The following ATXN7L3 variants were observed in gnomAD, a reference collection of about 807,000 sequenced individuals.
The protein encoded by ATXN7L3 is ataxin-7-like protein 3.
A neutral mutation model predicts 50.0 loss-of-function variants in ATXN7L3; 6 were observed. The ratio of observed to expected loss-of-function variants is 0.12; its 90% CI spans 0.07 to 0.24. The LOEUF is 0.24. Ranked by LOEUF, ATXN7L3 falls within the 10% of genes least tolerant of loss-of-function variation. ATXN7L3 has a pLI of 1.00. For missense variants in ATXN7L3, 322 were observed against 451.3 expected (o/e 0.71, Z 2.60); for synonymous variants, 198 against 165.8 (o/e 1.19, Z -1.49).
chr17:44,195,030 C>T, intron 10 of ATXN7L3, 67 bp downstream of exon 10: 1 of 1,580,878 alleles, frequency 6.3e-7, no homozygotes, highest in Non-Finnish European at 8.7e-7. Context: ...TCCAGGGGTA[C>T]TCCCAACCCA....
At chr17:44,199,304 G>A (rs1035807293) in intron 1 of ATXN7L3, 192 bp downstream of exon 1, 1 of 151,170 alleles carries the variant, frequency 6.6e-6, no homozygotes, top group Non-Finnish European at 1.5e-5. Context: ...GACCCAGACG[G>A]GGGAGAGCCA....
chr17:44,194,718 C>T (rs1313339637), intron 11 of ATXN7L3, 44 bp from the exon 12 acceptor site: 1 of 1,613,486 alleles, frequency 6.2e-7, no homozygotes, highest in Admixed American at 1.7e-5. Flanking sequence ...AGATAGTGAT[C>T]ATCGCCCTAA....
At chr17:44,194,738 A>AC (rs764591254) in intron 11 of ATXN7L3, 30 bp downstream of exon 11, 1 of 1,613,484 alleles carries the variant, frequency 6.2e-7, no homozygotes. Context: ...ACTGGTCACA[A>AC]CCCCCCACCC....
intron 3 of ATXN7L3, 25 bp downstream of exon 3, chr17:44,197,573 G>A (rs2055958662): frequency 6.2e-7 from 1 of 1,614,176 alleles, no homozygotes; most frequent in East Asian, 2.2e-5. Flanking sequence ...GGGCTGGACT[G>A]CTGCTCCTTC....
At chr17:44,196,555 A>G (rs1312418241) in intron 5 of ATXN7L3, 137 bp from the exon 6 acceptor site, 1 of 1,067,784 alleles carries the variant, frequency 9.4e-7, no homozygotes, top group Admixed American at 2.0e-5. Flanking sequence ...CCAGGCGGGC[A>G]GATCACGAGG....
In ATXN7L3 at chr17:44,194,773, G is replaced by C; in HGVS notation, c.732C>G (p.Pro244=). Residue 244 remains proline (P), a synonymous_variant, in exon 11 of 13, where the codon CCC becomes CCG. Transcript: ENST00000587097. Reference sequence around the variant, plus strand: ...CTTCCTGTAGGGCCACTTACGCCGAGGGCCCGAGAAAATAAATCCGTACGG... The same window carrying C: ...CTTCCTGTAGGGCCACTTACGCCGACGGCCCGAGAAAATAAATCCGTACGG... ...RRTVRIYFLG[P]SAVLPEVESS... 6.2e-7 allele frequency: 1 copy of C among 1,614,158 alleles called. No homozygotes were observed. The highest frequency in any genetic ancestry group is 1.3e-5 in the African/African-American group (1 of 75,050).
In ATXN7L3 at chr17:44,197,040, G is replaced by A; in HGVS notation, c.357-14C>T. ...CTATTGGCAATCCTGCCAAGGGGAG[G>A]GAAGAGAAAGGGGCCAAGGGGAAGG... On this transcript the variant is annotated splice_polypyrimidine_tract_variant and intron_variant, in intron 4 of 12. Coordinates refer to ENST00000587097, the MANE Select transcript of ATXN7L3 (RefSeq NM_001382309.1). 1 of 1,597,534 alleles carries A rather than the reference G, an allele frequency of 6.3e-7. No individual in the cohort carries two copies. Among genetic ancestry groups the A allele is most frequent in the African/African-American group, 1.3e-5 (1 of 74,658 alleles).
intron 3 of ATXN7L3, 44 bp from the exon 4 acceptor site, chr17:44,197,443 T>C: frequency 6.4e-7 from 1 of 1,571,308 alleles, no homozygotes; most frequent in Non-Finnish European, 8.6e-7. Flanking sequence ...CAGGACCCTC[T>C]CCTCTTGTTC....
chr17:44,197,950 T>A, intron 2 of ATXN7L3, 70 bp downstream of exon 2: 1 of 1,568,104 alleles, frequency 6.4e-7, no homozygotes, highest in Non-Finnish European at 8.8e-7. Flanking sequence ...CTCTTTGGTG[T>A]GGATGCCAGA....
Position 44,194,225 on chromosome 17 carries a change from G to C in ATXN7L3, c.*38C>G. ...CCACCTGGGTGGGGGTCAGGAGAGA[G>C]GGCTCTGCTCAGCCAAAGGCTATCC... On this transcript the variant is annotated 3_prime_UTR_variant, in exon 13 of 13. Transcript: ENST00000587097. 1.2e-6 allele frequency: 2 copies of C among 1,608,200 alleles called. No homozygotes were observed. Among genetic ancestry groups the C allele is most frequent in the Non-Finnish European group, 1.7e-6 (2 of 1,176,830 alleles).
chr17:44,197,516 A>T, intron 3 of ATXN7L3, 82 bp downstream of exon 3: 1 of 1,604,818 alleles, frequency 6.2e-7, no homozygotes, highest in Non-Finnish European at 8.5e-7. Flanking sequence ...CAGGTGCTAC[A>T]TCTAGCACAG....
chr17:44,199,371 G>C (rs991249160), intron 1 of ATXN7L3, 125 bp downstream of exon 1: 1 of 150,794 alleles, frequency 6.6e-6, no homozygotes, highest in Non-Finnish European at 1.5e-5. Flanking sequence ...CGTCGGCCCG[G>C]GGGGAGGGGA....
rs1034800825 is a variant in ATXN7L3 at position 44,199,553 on chromosome 17, G to C, written c.-118C>G. On this transcript the variant is annotated 5_prime_UTR_variant, in exon 1 of 13. Transcript: ENST00000587097. ...CCTCTCAGGGCCGCGTCCTCCGGCGGCGGCGACGGCGGCGGCTGCTCCGGA... is the reference window on the plus strand; with the variant it reads ...CCTCTCAGGGCCGCGTCCTCCGGCGCCGGCGACGGCGGCGGCTGCTCCGGA... 19 of 148,428 alleles carry C rather than the reference G, an allele frequency of 1.3e-4. No homozygotes were observed. Among genetic ancestry groups the C allele is most frequent in the African/African-American group, 4.7e-4 (19 of 40,192 alleles). The allele number at this position is 148,428 out of a possible 1,614,324, so 9.2% of individuals were successfully genotyped here.
chr17:44,196,191 C>T (rs1268451945), intron 6 of ATXN7L3, 112 bp from the exon 7 acceptor site: 2 of 1,356,366 alleles, frequency 1.5e-6, no homozygotes, highest in Non-Finnish European at 2.1e-6. Flanking sequence ...TCCTACTCTT[C>T]CTCCCCAGTA....
At chr17:44,195,958 GCCCCACCTCCA>G (rs1352835895) in intron 7 of ATXN7L3, 65 bp downstream of exon 7, 1 of 1,569,798 alleles carries the variant, frequency 6.4e-7, no homozygotes, top group Non-Finnish European at 8.7e-7. Flanking sequence ...CTATCCCCGG[GCCCCACCTCCA>G]CCCCCCGGCA....
At chr17:44,196,837 A>G (rs2055921260) in intron 5 of ATXN7L3, 92 bp downstream of exon 5, 1 of 872,950 alleles carries the variant, frequency 1.1e-6, no homozygotes. Flanking sequence ...TCTCTTCATC[A>G]TTCAAGGCAA....
At position 44,194,622 on chromosome 17, in the gene ATXN7L3, C is replaced by T. The variant is rs1308317354; in HGVS notation, c.790G>A (p.Asp264Asn). The change falls in exon 12 of 13, where the codon GAC becomes AAC. Residue 264 changes from aspartate to asparagine, a missense_variant. Coordinates refer to ENST00000587097, the MANE Select transcript of ATXN7L3 (RefSeq NM_001382309.1). ...AGCCGGCTGATCAGGGCCTGGCTGT[C>T]AGTCATGTCAAAGCTGTCATTATCC... Reference protein sequence around the residue: ...SLDNDSFDMTDSQALISRLQW... With the variant: ...SLDNDSFDMTNSQALISRLQW... 2 of 1,613,960 alleles carry T rather than the reference C, an allele frequency of 1.2e-6. No individual in the cohort carries two copies. The highest frequency in any genetic ancestry group is 1.1e-5 in the South Asian group (1 of 91,064).
intron 9 of ATXN7L3, 111 bp from the exon 10 acceptor site, chr17:44,195,251 G>T: frequency 7.3e-7 from 1 of 1,378,490 alleles, no homozygotes; most frequent in Non-Finnish European, 1.0e-6. Context: ...GCCCAAAGGT[G>T]TCCAGAGCAG....
In ATXN7L3 at chr17:44,194,513, G is replaced by A. The variant is rs74464606; in HGVS notation, c.895+4C>T. 7.9e-3 allele frequency: 12,674 copies of A among 1,613,434 alleles called. 49 individuals are homozygous for A. Among genetic ancestry groups the A allele is most frequent in the Non-Finnish European group, 9.1e-3 (10,712 of 1,179,908 alleles). ...AGCCCCTAGGGCCCAACTGCATCAC[G>A]TACCTAGACCCCATCCCTGATTTTC... On this transcript the variant is annotated splice_donor_region_variant and intron_variant, in intron 12 of 12. Coordinates refer to ENST00000587097, the MANE Select transcript of ATXN7L3 (RefSeq NM_001382309.1).
Sources: gnomAD v4.1 joint callset for allele counts on GRCh38, gnomAD v4.1.1 for gene constraint, MANE v1.5 for transcripts, NCBI Gene and HGNC (gene_info 2026-07-23, HGNC 2026-07-21) for gene names.